RPH3AL: variants seen among roughly 807,000 people sequenced by gnomAD.
RPH3AL encodes the protein rabphilin 3A like (without C2 domains).
Under a neutral mutation model 43.1 loss-of-function variants are expected in RPH3AL, and 38 were observed. The observed-to-expected ratio is 0.88, with a 90% confidence interval of 0.68 to 1.15. RPH3AL has a LOEUF of 1.15. Ranked by LOEUF, RPH3AL falls within the 50% of genes most tolerant of loss-of-function variation. The pLI is 0.00. For synonymous variants in RPH3AL, 189 were observed against 176.3 expected, an observed-to-expected ratio of 1.07 and a Z score of -0.57; for missense variants, 462 against 423.2, an observed-to-expected ratio of 1.09 and a Z score of -0.81.
At chr17:315,984 C>T (rs2044134383) in intron 5 of RPH3AL, among the ~76,000 whole-genome samples, 1 of 149,176 alleles carries the variant, frequency 6.7e-6, no homozygotes, top group African/African-American at 2.5e-5. Flanking sequence ...GACGTGTAGT[C>T]CCTGTGCCCC....
chr17:319,848 G>A (rs60613596), intron 4 of RPH3AL, among the ~76,000 whole-genome samples: 5,505 of 103,996 alleles, frequency 0.053, 474 homozygotes, highest in African/African-American at 0.17. Flanking sequence ...GAAAACAAGC[G>A]AACTGGTTTC....
chr17:327,508 CTGA>C lies in RPH3AL; in HGVS notation c.33_35del (p.Asp11_Gln12delinsGlu), dbSNP rs1200304684. On this transcript the variant is annotated inframe_deletion, in exon 3 of 10. Transcript: ENST00000331302. ...GCTGCCGGTCATTGGGGCAAACCCA[CTGA>C]TCATTCCCGCTGCCGAAGATGGTGT... The C allele has an allele frequency of 2.5e-6, 4 of 1,614,012 alleles. No individual in the cohort carries two copies. In the Admixed American group the frequency reaches 6.7e-5, roughly 27 times the overall value.
chr17:284,620 G>A (rs1289467178), intron 5 of RPH3AL, among the ~76,000 whole-genome samples: 1 of 152,076 alleles, frequency 6.6e-6, no homozygotes, highest in Non-Finnish European at 1.5e-5. Flanking sequence ...CCAGCTGTCA[G>A]CAGGAGGCCC....
intron 6 of RPH3AL, among the ~76,000 whole-genome samples, chr17:272,447 C>T: frequency 6.6e-6 from 1 of 151,592 alleles, no homozygotes; most frequent in Non-Finnish European, 1.5e-5. Flanking sequence ...GAGTTCATGT[C>T]CTTTGTAGGG....
At chr17:241,909 G>A (rs1597911032) in intron 7 of RPH3AL, among the ~76,000 whole-genome samples, 1 of 151,976 alleles carries the variant, frequency 6.6e-6, no homozygotes. Flanking sequence ...TGAGGCCAAG[G>A]GGTTTGAGGC....
intron 5 of RPH3AL, among the ~76,000 whole-genome samples, chr17:304,762 G>T (rs2043421656): frequency 6.6e-6 from 1 of 151,858 alleles, no homozygotes; most frequent in South Asian, 2.1e-4. Context: ...TTCTTCTTTT[G>T]TTCCCTCCCG....
At chr17:286,318 C>G (rs928840152) in intron 5 of RPH3AL, among the ~76,000 whole-genome samples, 1 of 152,172 alleles carries the variant, frequency 6.6e-6, no homozygotes, top group African/African-American at 2.4e-5. Flanking sequence ...TCTGGTGCTT[C>G]CTGCTCCCCA....
rs1169964545 is a variant in RPH3AL at position 323,069 on chromosome 17, CTG to C, written c.78-1656_78-1655del. 6.6e-6 allele frequency among the ~76,000 whole-genome samples: 1 copy of C among 151,994 alleles called. No homozygotes were observed. The highest frequency in any genetic ancestry group is 1.5e-5 in the Non-Finnish European group (1 of 68,020). On this transcript the variant is annotated intron_variant, in intron 3 of 9. Coordinates refer to ENST00000331302, the MANE Select transcript of RPH3AL (RefSeq NM_006987.4). This position sits in a 1 kb window ranked among gnomAD's most constrained non-coding sequence, Gnocchi z 4.4. ...TGCAAATGGTCGTTAATAGTGATAA[CTG>C]TAATTATCATGGGGAGGGCTGTCAG...
At position 274,774 on chromosome 17, in the gene RPH3AL, G is replaced by A. The variant is rs572237432; in HGVS notation, c.438+6994C>T. ...GGGGCTTAGGCTGCTGCAGAAGCGG[G>A]GAGGGGAAAACCTCCAAAGTGTTTA... On this transcript the variant is annotated intron_variant, in intron 6 of 9. Coordinates refer to ENST00000331302, the MANE Select transcript of RPH3AL (RefSeq NM_006987.4). This position sits in a 1 kb window ranked among gnomAD's most constrained non-coding sequence, Gnocchi z 4.7. 2.6e-5 allele frequency among the ~76,000 whole-genome samples: 4 copies of A among 152,294 alleles called. No individual in the cohort carries two copies. The highest frequency in any genetic ancestry group is 9.6e-5 in the African/African-American group (4 of 41,542).
At chr17:278,330 G>A (rs562453683) in intron 6 of RPH3AL, among the ~76,000 whole-genome samples, 13 of 152,272 alleles carry the variant, frequency 8.5e-5, no homozygotes, top group East Asian at 5.8e-4. Flanking sequence ...ATGTGGAACC[G>A]TGAGTCCATC....
chr17:284,651 C>A (rs955233033), intron 5 of RPH3AL, among the ~76,000 whole-genome samples: 2 of 152,142 alleles, frequency 1.3e-5, no homozygotes, highest in African/African-American at 4.8e-5. Context: ...CCATTGCACC[C>A]CACAGGTGCC....
At chr17:326,449 G>A (rs914442739) in intron 3 of RPH3AL, among the ~76,000 whole-genome samples, 8 of 152,122 alleles carry the variant, frequency 5.3e-5, no homozygotes, top group Admixed American at 2.0e-4. Context: ...TGCCAGAGAC[G>A]CCCAGCCCCT....
At chr17:299,162 T>G (rs1273632838) in intron 5 of RPH3AL, among the ~76,000 whole-genome samples, 1 of 152,120 alleles carries the variant, frequency 6.6e-6, no homozygotes, top group East Asian at 1.9e-4. Flanking sequence ...GTCCACAGTC[T>G]GGAACCCAGT....
intron 6 of RPH3AL, among the ~76,000 whole-genome samples, chr17:279,020 C>T (rs2042721671): frequency 6.6e-6 from 1 of 152,104 alleles, no homozygotes; most frequent in Non-Finnish European, 1.5e-5. Context: ...GCAGAATGCT[C>T]CAAGAGTTTT....
chr17:212,941 G>A lies in RPH3AL; in HGVS notation c.*911C>T, dbSNP rs1273692274. The A allele has an allele frequency of 6.6e-6, 1 of 151,892 alleles. No homozygotes were observed. Among genetic ancestry groups the A allele is most frequent in the African/African-American group, 2.4e-5 (1 of 41,358 alleles). 9.4% of individuals were successfully genotyped at this position (151,892 alleles called of 1,614,324 possible). ...AGACAGGCTGAGCAAAAACCAGGCAGGCCATGAGGGGATTCAAAGAAACCT... is the reference window on the plus strand; with the variant it reads ...AGACAGGCTGAGCAAAAACCAGGCAAGCCATGAGGGGATTCAAAGAAACCT... On this transcript the variant is annotated 3_prime_UTR_variant, in exon 10 of 10. Coordinates refer to ENST00000331302, the MANE Select transcript of RPH3AL (RefSeq NM_006987.4).
At chr17:286,771 G>C (rs1265922753) in intron 5 of RPH3AL, among the ~76,000 whole-genome samples, 2 of 152,150 alleles carry the variant, frequency 1.3e-5, no homozygotes, top group African/African-American at 4.8e-5. Flanking sequence ...ATTTGCCCAG[G>C]GCAAGCGAGT....
At chr17:336,224 C>T (rs1316997806) in intron 1 of RPH3AL, among the ~76,000 whole-genome samples, 1 of 152,138 alleles carries the variant, frequency 6.6e-6, no homozygotes, top group Non-Finnish European at 1.5e-5. Flanking sequence ...ACGGGAAACA[C>T]GAGGAGGGCA....
Position 310,818 on chromosome 17 carries a change from C to T in RPH3AL, c.351+8602G>A, listed in dbSNP as rs371998842. On this transcript the variant is annotated intron_variant, in intron 5 of 9. Transcript: ENST00000331302. ...ATGGCATCGTCTCTCCTCCCAGACA[C>T]GAGAGAGCCCTGCAGGGGCAAGGGC... is the stretch of plus-strand genomic sequence containing the variant. Among the ~76,000 whole-genome samples, 54 of 152,314 alleles carry T rather than the reference C, an allele frequency of 3.5e-4. 2 individuals are homozygous for T. The East Asian group carries it at 6.6e-3, about 19-fold the overall frequency.
At chr17:295,755 AT>A (rs1174529923) in intron 5 of RPH3AL, among the ~76,000 whole-genome samples, 3 of 47,202 alleles carry the variant, frequency 6.4e-5, no homozygotes, top group Non-Finnish European at 1.3e-4. Flanking sequence ...GGGAATGCAC[AT>A]CAGTGTGGGA....
Sources: allele counts gnomAD v4.1 joint callset (sites outside exome capture counted in the v4.1 genomes callset), GRCh38; gene constraint gnomAD v4.1.1; non-coding constraint Gnocchi (gnomAD v3.1); transcripts MANE v1.5; gene names NCBI Gene and HGNC (gene_info 2026-07-23, HGNC 2026-07-21).